CNTNAP2: variants seen among roughly 807,000 people sequenced by gnomAD.
CNTNAP2 encodes the protein contactin associated protein 2.
CNTNAP2 carries 98 observed loss-of-function variants against 155.2 expected under a neutral mutation model. The observed-to-expected ratio is 0.63, with a 90% confidence interval of 0.54 to 0.75. The LOEUF is 0.75. CNTNAP2 is among the 30% of genes least tolerant of loss of function. CNTNAP2 has a pLI of 0.00. For missense variants in CNTNAP2, 1,727 were observed against 1,688.1 expected, an observed-to-expected ratio of 1.02 and a Z score of -0.40; for synonymous variants, 651 against 631.2, an observed-to-expected ratio of 1.03 and a Z score of -0.47.
intron 9 of CNTNAP2, among the ~76,000 whole-genome samples, chr7:147,313,016 T>C (rs1053714965): frequency 1.4e-5 from 2 of 139,478 alleles, no homozygotes; most frequent in South Asian, 2.5e-4. Context: ...TAGCCAGTGA[T>C]GATGAGCATT....
intron 3 of CNTNAP2, among the ~76,000 whole-genome samples, chr7:146,938,110 G>A (rs1026190762): frequency 6.6e-6 from 1 of 152,100 alleles, no homozygotes; most frequent in African/African-American, 2.4e-5. Context: ...ACAAAGATAA[G>A]TGAATTGAAG....
intron 1 of CNTNAP2, among the ~76,000 whole-genome samples, chr7:146,729,649 G>A (rs1801490721): frequency 6.6e-6 from 1 of 151,894 alleles, no homozygotes; most frequent in Non-Finnish European, 1.5e-5. Context: ...TAAAACACAG[G>A]CTAGAGTTTA....
At chr7:147,718,389 G>T (rs1584917600) in intron 13 of CNTNAP2, among the ~76,000 whole-genome samples, 1 of 152,102 alleles carries the variant, frequency 6.6e-6, no homozygotes, top group African/African-American at 2.4e-5. Context: ...ATTAACTTGT[G>T]ATGAAATGCA....
chr7:148,216,079 C>T (rs1337075496), intron 18 of CNTNAP2, among the ~76,000 whole-genome samples: 3 of 152,260 alleles, frequency 2.0e-5, no homozygotes, highest in African/African-American at 7.2e-5. Context: ...GAAACAGAAA[C>T]CGTGAAGACC....
chr7:147,468,797 A>G (rs950450696), intron 10 of CNTNAP2, among the ~76,000 whole-genome samples: 3 of 152,152 alleles, frequency 2.0e-5, no homozygotes, highest in East Asian at 3.9e-4. Flanking sequence ...AAGTAGCAGG[A>G]TGGAAACTGC....
At chr7:146,246,214 A>G (rs868629341) in intron 1 of CNTNAP2, among the ~76,000 whole-genome samples, 18 of 151,034 alleles carry the variant, frequency 1.2e-4, no homozygotes, top group Admixed American at 5.3e-4. Flanking sequence ...GAGTAGAAGT[A>G]TCTTATACTT....
At chr7:147,924,143 C>CTTTTCTTTT (rs1554450278) in intron 14 of CNTNAP2, among the ~76,000 whole-genome samples, 1 of 123,494 alleles carries the variant, frequency 8.1e-6, no homozygotes, top group Non-Finnish European at 1.6e-5. Flanking sequence ...CTTTTCTTTT[C>CTTTTCTTTT]TTTTTTTTTT....
At chr7:146,841,483 G>T (rs936368537) in intron 3 of CNTNAP2, among the ~76,000 whole-genome samples, 2 of 152,052 alleles carry the variant, frequency 1.3e-5, no homozygotes, top group African/African-American at 4.8e-5. Flanking sequence ...AACACCCAGA[G>T]CACTCATTAT....
At chr7:146,684,618 C>T (rs897186320) in intron 1 of CNTNAP2, among the ~76,000 whole-genome samples, 5 of 70,974 alleles carry the variant, frequency 7.0e-5, no homozygotes, top group Non-Finnish European at 1.3e-4. Context: ...AAAACAGCTT[C>T]GAGCAATAAT....
intron 13 of CNTNAP2, among the ~76,000 whole-genome samples, chr7:147,878,854 GT>G (rs1392307175): frequency 6.6e-6 from 1 of 152,088 alleles, no homozygotes; most frequent in Non-Finnish European, 1.5e-5. Context: ...CAGTTTCAAT[GT>G]TTTATTTAGT....
At chr7:147,377,154 A>G (rs73740618) in intron 9 of CNTNAP2, among the ~76,000 whole-genome samples, 2,368 of 143,030 alleles carry the variant, frequency 0.017, 65 homozygotes, top group African/African-American at 0.06. Context: ...CTTTTGGTTG[A>G]TCAAATATTT....
intron 1 of CNTNAP2, among the ~76,000 whole-genome samples, chr7:146,476,269 A>G (rs955837534): frequency 1.3e-5 from 2 of 152,176 alleles, no homozygotes; most frequent in Non-Finnish European, 2.9e-5. Context: ...AAGTAATTGC[A>G]ATATTCACCC....
chr7:146,882,759 C>T (rs778826853), intron 3 of CNTNAP2, among the ~76,000 whole-genome samples: 32 of 152,120 alleles, frequency 2.1e-4, no homozygotes, highest in Non-Finnish European at 2.8e-4. Flanking sequence ...AAATAAGTAG[C>T]ATTTCTGTAC....
intron 1 of CNTNAP2, among the ~76,000 whole-genome samples, chr7:146,493,601 A>G (rs950972477): frequency 2.0e-5 from 3 of 152,100 alleles, no homozygotes; most frequent in Non-Finnish European, 4.4e-5. Flanking sequence ...GAAAATAAAG[A>G]GCCCAGGTGT....
chr7:146,321,244 C>T (rs1473604543), intron 1 of CNTNAP2, among the ~76,000 whole-genome samples: 1 of 152,106 alleles, frequency 6.6e-6, no homozygotes, highest in African/African-American at 2.4e-5. Flanking sequence ...TTAAATGGGG[C>T]ATTATTTCCT....
At chr7:147,829,854 G>A (rs528252263) in intron 13 of CNTNAP2, among the ~76,000 whole-genome samples, 7 of 151,914 alleles carry the variant, frequency 4.6e-5, no homozygotes, top group Admixed American at 1.3e-4. Context: ...ACAGAGCAGC[G>A]AGGGGGGCCA....
chr7:147,835,999 T>C (rs1210794193), intron 13 of CNTNAP2, among the ~76,000 whole-genome samples: 1 of 152,170 alleles, frequency 6.6e-6, no homozygotes, highest in Non-Finnish European at 1.5e-5. Flanking sequence ...GCCTCCATTG[T>C]GGATTTCTGG....
intron 8 of CNTNAP2, among the ~76,000 whole-genome samples, chr7:147,143,776 T>C (rs1160345336): frequency 6.6e-6 from 1 of 152,202 alleles, no homozygotes; most frequent in African/African-American, 2.4e-5. Context: ...TAAGAGATTT[T>C]TTTTAAAGAT....
chr7:147,698,390 C>A (rs953373891), intron 13 of CNTNAP2, among the ~76,000 whole-genome samples: 3 of 152,134 alleles, frequency 2.0e-5, no homozygotes, highest in Admixed American at 1.3e-4. Context: ...ACACCACTAC[C>A]TTTATACCAT....
Sources: allele counts gnomAD v4.1 joint callset (sites outside exome capture counted in the v4.1 genomes callset), GRCh38; gene constraint gnomAD v4.1.1; transcripts MANE v1.5; gene names NCBI Gene and HGNC (gene_info 2026-07-23, HGNC 2026-07-21).